The following TPRKB variants were observed in gnomAD, a reference collection of about 807,000 sequenced individuals.
TPRKB encodes TP53RK binding protein.
In TPRKB, 11 loss-of-function variants were observed where a neutral mutation model predicts 17.8. The ratio of observed to expected loss-of-function variants is 0.62; its 90% confidence interval spans 0.39 to 1.02. The LOEUF is 1.02. Ranked by LOEUF, TPRKB falls within the 50% of genes least tolerant of loss-of-function variation. The pLI is 0.00. For missense variants in TPRKB, 228 were observed against 198.0 expected (o/e 1.15, Z -0.91); for synonymous variants, 71 against 69.5 (o/e 1.02, Z -0.11).
At position 73,737,334 on chromosome 2, in the gene TPRKB, C is replaced by G. The variant is rs1671946266; in HGVS notation, c.-55G>C. 1 of 152,254 alleles carries G rather than the reference C, an allele frequency of 6.6e-6. No individual in the cohort carries two copies. Among genetic ancestry groups the G allele is most frequent in the Non-Finnish European group, 1.5e-5 (1 of 68,068 alleles). The allele number at this position is 152,254 out of a possible 1,614,324, so 9.4% of individuals were successfully genotyped here. Reference sequence around the variant, plus strand: ...CCCCCAGTGCGTCTCGGAAGAGCTCCCGCTCCGAAACAAAGCTCACAACTT... The same window carrying G: ...CCCCCAGTGCGTCTCGGAAGAGCTCGCGCTCCGAAACAAAGCTCACAACTT... On this transcript the variant is annotated 5_prime_UTR_variant, in exon 1 of 5. Coordinates refer to ENST00000272424, the MANE Select transcript of TPRKB (RefSeq NM_016058.5).
In TPRKB at chr2:73,730,588, T is replaced by C. The variant is rs140073724; in HGVS notation, c.413A>G (p.Glu138Gly). ...GHQVSLKNLP[E>G]IMNITEVKKI... ...TTTGACTTCTGTAATATTCATTATT[T>C]CAGGAAGATTTTTCAGAGAAACCTG... Residue 138 changes from glutamate (E) to glycine (G), a missense_variant, in exon 4 of 5, where the codon GAA becomes GGA. Coordinates refer to ENST00000272424, the MANE Select transcript of TPRKB (RefSeq NM_016058.5). 349 of 1,590,920 alleles carry C rather than the reference T, an allele frequency of 2.2e-4. 3 individuals carry two copies. Among genetic ancestry groups the C allele is most frequent in the Non-Finnish European group, 4.3e-5 (51 of 1,173,448 alleles).
chr2:73,731,330 T>C (rs964183360), intron 3 of TPRKB, among the ~76,000 whole-genome samples: 1 of 152,258 alleles, frequency 6.6e-6, no homozygotes, highest in Non-Finnish European at 1.5e-5. Context: ...ATTTGCCTCT[T>C]CTGCCCCTAG....
rs377577443 is a variant in TPRKB at position 73,730,005 on chromosome 2, C to A, written c.466G>T (p.Glu156Ter). The stretch of plus-strand genomic sequence containing the variant: ...GCATCCAATAATGTCCCAATACTTT[C>A]TTCTTGTGAAGAGAGTTTATATATC... The part of the protein sequence containing the change: ...KKIYKLSSQE[E>*]SIGTLLDAII... The change falls in exon 5 of 5, where the codon GAA (glutamate) becomes TAA (stop). Residue 156 changes from glutamate (E) to a stop codon, truncating the protein, a stop_gained. Coordinates refer to ENST00000272424, the MANE Select transcript of TPRKB (RefSeq NM_016058.5). LOFTEE classifies it high-confidence loss of function. 1 of 1,573,718 alleles carries A rather than the reference C, an allele frequency of 6.4e-7. No homozygotes were observed. Among genetic ancestry groups the A allele is most frequent in the Non-Finnish European group, 8.6e-7 (1 of 1,157,758 alleles).
Position 73,732,423 on chromosome 2 carries a change from T to C in TPRKB, c.142-138A>G, listed in dbSNP as rs1240861726. 5 of 1,058,596 alleles carry C rather than the reference T, an allele frequency of 4.7e-6. No individual in the cohort carries two copies. The African/African-American group carries it at 4.8e-5, about 10-fold the overall frequency. 65.6% of individuals were successfully genotyped at this position (1,058,596 alleles called of 1,614,324 possible). A position where few individuals can be genotyped will look rare whatever the true frequency, so the allele number is the denominator to read the frequency against. ...CTTACGGTCTGTATTTTCAAAACTA[T>C]TATCCCGGCTGGGCACGGTGGCTCA... On this transcript the variant is annotated intron_variant, in intron 2 of 4. Coordinates refer to ENST00000272424, the MANE Select transcript of TPRKB (RefSeq NM_016058.5).
chr2:73,735,723 A>C (rs1462314596), intron 1 of TPRKB, among the ~76,000 whole-genome samples: 2 of 152,208 alleles, frequency 1.3e-5, no homozygotes, highest in Non-Finnish European at 2.9e-5. Context: ...GTATTGCAAA[A>C]ATTTCTTTAA....
At chr2:73,731,352 G>C (rs1671601285) in intron 3 of TPRKB, among the ~76,000 whole-genome samples, 1 of 152,168 alleles carries the variant, frequency 6.6e-6, no homozygotes, top group African/African-American at 2.4e-5. Flanking sequence ...ACTGTAAATG[G>C]AACGGGGAAA....
chr2:73,731,398 C>G (rs1671603438), intron 3 of TPRKB, among the ~76,000 whole-genome samples: 1 of 152,148 alleles, frequency 6.6e-6, no homozygotes, highest in African/African-American at 2.4e-5. Flanking sequence ...CAAGAGTTTT[C>G]TGAATTATGT....
intron 1 of TPRKB, among the ~76,000 whole-genome samples, chr2:73,736,526 T>TACTC (rs1212812436): frequency 6.6e-6 from 1 of 152,218 alleles, no homozygotes; most frequent in African/African-American, 2.4e-5. Context: ...TAGCGTAATT[T>TACTC]ACTCACTCAG....
In TPRKB at chr2:73,730,628, G is replaced by A; in HGVS notation, c.373C>T (p.Gln125Ter). The A allele has an allele frequency of 6.3e-7, 1 of 1,589,808 alleles. No homozygotes were observed. The highest frequency in any genetic ancestry group is 8.6e-7 in the Non-Finnish European group (1 of 1,169,588). The change falls in exon 4 of 5, where the codon CAA (glutamine) becomes TAA (stop). Residue 125 changes from glutamine (Q) to a stop codon, truncating the protein, a stop_gained. Transcript: ENST00000272424. LOFTEE classifies it high-confidence loss of function. ...AGAGAAACCTGATGACCTTCTACTT[G>A]AGATATTAGGTATTCTTGATTTATT... ...KQINQEYLIS[Q>*]VEGHQVSLKN...
At chr2:73,732,634 G>A (rs919434439) in intron 2 of TPRKB, 7 of 186,202 alleles carry the variant, frequency 3.8e-5, no homozygotes, top group South Asian at 2.0e-4. Flanking sequence ...GCTTGAACCC[G>A]GGAGGCAGAG....
chr2:73,730,646 G>T lies in TPRKB; in HGVS notation c.355C>A (p.Gln119Lys). ...YIEEGEKQIN[Q>K]EYLISQVEGH... ...TCTACTTGAGATATTAGGTATTCTT[G>T]ATTTATTTGTTTTTCTCCCTCTTCA... Residue 119 changes from glutamine (Q) to lysine (K), a missense_variant, in exon 4 of 5, where the codon CAA becomes AAA. By Grantham distance (53) the Gln-to-Lys change is moderately conservative. Transcript: ENST00000272424. The T allele has an allele frequency of 6.3e-7, 1 of 1,588,132 alleles. No individual in the cohort carries two copies. The highest frequency in any genetic ancestry group is 8.5e-7 in the Non-Finnish European group (1 of 1,170,240).
intron 2 of TPRKB, among the ~76,000 whole-genome samples, chr2:73,733,037 C>T (rs113207325): frequency 0.014 from 2,059 of 152,194 alleles, 46 homozygotes; most frequent in African/African-American, 0.045. Context: ...TATGCAAGTT[C>T]ATTAGCATTT....
chr2:73,734,928 T>A (rs1345251027), intron 1 of TPRKB, among the ~76,000 whole-genome samples: 3 of 152,248 alleles, frequency 2.0e-5, no homozygotes, highest in Non-Finnish European at 2.9e-5. Flanking sequence ...GCTTACGGTA[T>A]TAATGAAGTC....
At position 73,733,297 on chromosome 2, in the gene TPRKB, T is replaced by C. The variant is rs1406207725; in HGVS notation, c.142-1012A>G. ...AGACAGACAGAGTCTCTCGCTCCAT[T>C]GCCCAGGCTGGAATGCAGTGGCTCA... On this transcript the variant is annotated intron_variant, in intron 2 of 4. Coordinates refer to ENST00000272424, the MANE Select transcript of TPRKB (RefSeq NM_016058.5). Among the ~76,000 whole-genome samples, 14 of 133,850 alleles carry C rather than the reference T, an allele frequency of 1.0e-4. No homozygotes were observed. The Admixed American group carries it at 1.3e-3, about 12-fold the overall frequency. The allele number at this position is 133,850 out of a possible 152,430, so 87.8% of individuals were successfully genotyped here. A position where few individuals can be genotyped will look rare whatever the true frequency, so the allele number is the denominator to read the frequency against.
At chr2:73,733,897 A>G (rs1671753797) in intron 2 of TPRKB, among the ~76,000 whole-genome samples, 1 of 142,852 alleles carries the variant, frequency 7.0e-6, no homozygotes, top group South Asian at 2.1e-4. Flanking sequence ...GGCTCACTGC[A>G]ACCTCTGCCT....
intron 4 of TPRKB, 41 bp downstream of exon 4, chr2:73,730,519 C>T (rs1671550718): frequency 7.1e-7 from 1 of 1,415,092 alleles, no homozygotes; most frequent in Non-Finnish European, 9.6e-7. Flanking sequence ...AGCATTATTG[C>T]TCATCTATCA....
At chr2:73,733,232 A>T (rs888090715) in intron 2 of TPRKB, among the ~76,000 whole-genome samples, 1 of 146,622 alleles carries the variant, frequency 6.8e-6, no homozygotes, top group Non-Finnish European at 1.5e-5. Flanking sequence ...ACATGATCGC[A>T]CTGCGTGTGC....
chr2:73,730,160 G>C, intron 4 of TPRKB, 131 bp from the exon 5 acceptor site: 9 of 1,103,694 alleles, frequency 8.2e-6, no homozygotes, highest in Non-Finnish European at 1.1e-5. Flanking sequence ...AACAACAAAT[G>C]TGATTAAAAT....
At chr2:73,736,793 C>T (rs774162861) in intron 1 of TPRKB, among the ~76,000 whole-genome samples, 2 of 152,164 alleles carry the variant, frequency 1.3e-5, no homozygotes, top group African/African-American at 4.8e-5. Flanking sequence ...CATTCTGCTG[C>T]TCTTATGATA....
Sources: allele counts gnomAD v4.1 joint callset (sites outside exome capture counted in the v4.1 genomes callset), GRCh38; gene constraint gnomAD v4.1.1; transcripts MANE v1.5; gene names NCBI Gene and HGNC (gene_info 2026-07-23, HGNC 2026-07-21).